OARD1: variants seen among roughly 807,000 people sequenced by gnomAD.
The protein encoded by OARD1 is O-acyl-ADP-ribose deacylase 1, also known as ADP-ribose glycohydrolase OARD1.
Under a neutral mutation model 19.7 loss-of-function variants are expected in OARD1, and 19 were observed. That is an observed-to-expected ratio of 0.96 (90% CI 0.67 to 1.41). The LOEUF is 1.41. OARD1 is among the 40% of genes most tolerant of loss of function. The pLI is 0.00. For missense variants in OARD1, 190 were observed against 183.8 expected, an observed-to-expected ratio of 1.03 and a Z score of -0.20; for synonymous variants, 70 against 61.8, an observed-to-expected ratio of 1.13 and a Z score of -0.62.
chr6:41,086,738 G>A (rs796957451), intron 1 of OARD1, among the ~76,000 whole-genome samples: 14 of 152,244 alleles, frequency 9.2e-5, no homozygotes, highest in African/African-American at 3.4e-4. Context: ...CCAAGAAATA[G>A]ATAGAAGAAT....
chr6:41,069,084 C>T (rs1432174692), intron 4 of OARD1, 131 bp from the exon 5 acceptor site: 6 of 558,048 alleles, frequency 1.1e-5, no homozygotes, highest in Non-Finnish European at 1.9e-5. Flanking sequence ...GCAAGGATGA[C>T]AAATGTCATA....
At chr6:41,069,357 G>GTGCT (rs1763202413) in intron 4 of OARD1, 1 of 155,352 alleles carries the variant, frequency 6.4e-6, no homozygotes, top group Non-Finnish European at 1.4e-5. Context: ...TTTAGAAACT[G>GTGCT]TGCTTGCTTG....
At chr6:41,094,445 G>T (rs1332794452) in intron 1 of OARD1, 1 of 1,614,204 alleles carries the variant, frequency 6.2e-7, no homozygotes, top group Non-Finnish European at 8.5e-7. Context: ...CGGAAGCGTG[G>T]TGAAGGTGGA....
chr6:41,071,331 A>C, intron 2 of OARD1, 55 bp from the exon 3 acceptor site: 1 of 1,541,044 alleles, frequency 6.5e-7, no homozygotes, highest in Non-Finnish European at 8.9e-7. Context: ...TAAAATACTA[A>C]GCTATTTTTC....
chr6:41,085,105 A>G (rs1764008745), intron 1 of OARD1, among the ~76,000 whole-genome samples: 1 of 152,236 alleles, frequency 6.6e-6, no homozygotes, highest in Non-Finnish European at 1.5e-5. Flanking sequence ...GATGTGGAGA[A>G]AAAGAATTAA....
rs147561623 is a variant in OARD1, at chr6:41,072,051, A to T, written c.-42+185T>A. On this transcript the variant is annotated intron_variant, in intron 1 of 5. Coordinates refer to ENST00000424266, the MANE Select transcript of OARD1 (RefSeq NM_001329686.2). ...CCCAGTGGGTCTGGCTTAGAAGAAA[A>T]CAGAAGGGACTTGGCCACAGTCCCG... Among the ~76,000 whole-genome samples, 589 of 152,342 alleles carry T rather than the reference A, an allele frequency of 3.9e-3. 11 individuals carry two copies. In the South Asian group the frequency reaches 0.061, roughly 16 times the overall value.
chr6:41,078,731 C>G (rs1763812750), intron 1 of OARD1, among the ~76,000 whole-genome samples: 1 of 152,124 alleles, frequency 6.6e-6, no homozygotes, highest in Non-Finnish European at 1.5e-5. Flanking sequence ...TTAGGTATGC[C>G]TTGTATCAAA....
At chr6:41,094,677 G>C (rs932857366) in intron 1 of OARD1, among the ~76,000 whole-genome samples, 1 of 152,088 alleles carries the variant, frequency 6.6e-6, no homozygotes, top group Non-Finnish European at 1.5e-5. Flanking sequence ...GCCAGACTTG[G>C]TGGCTCATGC....
intron 4 of OARD1, 54 bp from the exon 5 acceptor site, chr6:41,069,007 G>T: frequency 1.1e-6 from 1 of 908,212 alleles, no homozygotes; most frequent in Non-Finnish European, 1.7e-6. Context: ...CCAAAGAAAA[G>T]TCATCACATT....
chr6:41,093,073 A>G (rs576540807), intron 1 of OARD1: 2 of 1,614,088 alleles, frequency 1.2e-6, no homozygotes, highest in African/African-American at 2.7e-5. Context: ...GGAAAATTCC[A>G]AAGGAGAGAA....
chr6:41,081,751 G>A (rs965203891), intron 1 of OARD1, among the ~76,000 whole-genome samples: 4 of 152,100 alleles, frequency 2.6e-5, no homozygotes, highest in African/African-American at 9.7e-5. Flanking sequence ...TTTCCTGGGG[G>A]AATAGTGACC....
chr6:41,075,506 ATTTC>A (rs1763709742), upstream of OARD1: 1 of 151,928 alleles, frequency 6.6e-6, no homozygotes, highest in South Asian at 2.1e-4. Context: ...CTGCAGAAGA[ATTTC>A]TTTGTCTGAC....
In OARD1 at chr6:41,068,772, T is replaced by C. The variant is rs2114049567; in HGVS notation, c.356+69A>G. ...TTTTGGGTTAAGCTTTTAAGTTGTTTGTCTTTGGGTAAGATAGTAAACCCC... is the reference window on the plus strand; with the variant it reads ...TTTTGGGTTAAGCTTTTAAGTTGTTCGTCTTTGGGTAAGATAGTAAACCCC... On this transcript the variant is annotated intron_variant, in intron 5 of 5. Coordinates refer to ENST00000424266, the MANE Select transcript of OARD1 (RefSeq NM_001329686.2). 14 of 900,384 alleles carry C rather than the reference T, an allele frequency of 1.6e-5. No homozygotes were observed. In the South Asian group the frequency reaches 2.7e-4, roughly 17 times the overall value. 55.8% of individuals were successfully genotyped at this position (900,384 alleles called of 1,614,324 possible).
At chr6:41,093,558 C>A (rs1402492826) in intron 1 of OARD1, among the ~76,000 whole-genome samples, 1 of 152,110 alleles carries the variant, frequency 6.6e-6, no homozygotes, top group East Asian at 1.9e-4. Flanking sequence ...GCAACCTGCA[C>A]CTTCCATGTT....
chr6:41,073,594 CTG>C (rs1763615148), upstream of OARD1, among the ~76,000 whole-genome samples: 2 of 152,132 alleles, frequency 1.3e-5, no homozygotes, highest in Admixed American at 6.5e-5. Flanking sequence ...CGAGCCGGGT[CTG>C]TCTTATCTGC....
At chr6:41,071,420 T>C (rs1763379441) in intron 2 of OARD1, 144 bp from the exon 3 acceptor site, 2 of 994,166 alleles carry the variant, frequency 2.0e-6, no homozygotes, top group Non-Finnish European at 3.0e-6. Context: ...AATTACAGCA[T>C]GTGTAAAAGG....
intron 1 of OARD1, chr6:41,083,976 T>C (rs1763977761): frequency 1.2e-5 from 17 of 1,442,056 alleles, no homozygotes; most frequent in Admixed American, 2.3e-5. Flanking sequence ...ATAGTTCCAG[T>C]GATTGTCTTT....
rs569128714 is a variant in OARD1, at chr6:41,080,904, C to A, written c.-41-9229G>T. The A allele has an allele frequency of 2.5e-6, 4 of 1,611,330 alleles. No homozygotes were observed. In the African/African-American group the frequency reaches 5.3e-5, roughly 21 times the overall value. On this transcript the variant is annotated intron_variant, in intron 1 of 4. Coordinates refer to the OARD1 transcript ENST00000480585. ...AGTCCAGACCCTCCAGGTAGTGGTA[C>A]CCTCTCTGATTCTCTGTGAGCACTG...
Position 41,077,895 on chromosome 6 carries a change from G to A in OARD1, c.-41-6220C>T, listed in dbSNP as rs975485854. 7.2e-5 allele frequency among the ~76,000 whole-genome samples: 11 copies of A among 152,024 alleles called. 1 individual carries two copies. On this transcript the variant is annotated intron_variant, in intron 1 of 4. Transcript: ENST00000480585. ...TTTATGGCTCATAGATTCTTATGTT[G>A]TATCCATTTTGGTTATGAGTAATGG...
Sources: allele counts gnomAD v4.1 joint callset (sites outside exome capture counted in the v4.1 genomes callset), GRCh38; gene constraint gnomAD v4.1.1; transcripts MANE v1.5; gene names NCBI Gene and HGNC (gene_info 2026-07-23, HGNC 2026-07-21).